SPON1: variants seen among roughly 807,000 people sequenced by gnomAD.
SPON1 encodes spondin-1.
In SPON1, 52 loss-of-function variants were observed where a neutral mutation model predicts 111.7. The ratio of observed to expected loss-of-function variants is 0.47; its 90% CI spans 0.37 to 0.59. The LOEUF is 0.59. Ranked by LOEUF, SPON1 falls within the 20% of genes least tolerant of loss-of-function variation. SPON1 has a pLI of 0.00. For synonymous variants in SPON1, 410 were observed against 395.8 expected, an observed-to-expected ratio of 1.04 and a Z score of -0.43; for missense variants, 957 against 1,068.5, an observed-to-expected ratio of 0.90 and a Z score of 1.46.
intron 2 of SPON1, among the ~76,000 whole-genome samples, chr11:14,036,952 G>A (rs917117666): frequency 2.0e-5 from 3 of 152,106 alleles, no homozygotes; most frequent in Non-Finnish European, 2.9e-5. Context: ...GTGCAATGTG[G>A]CCTGAAAATA....
chr11:14,231,455 C>T (rs1848801920), intron 6 of SPON1, among the ~76,000 whole-genome samples: 1 of 152,070 alleles, frequency 6.6e-6, no homozygotes, highest in Admixed American at 6.5e-5. Context: ...TTTTTAATGG[C>T]AATATATTCA....
At chr11:14,140,074 T>C (rs1038478425) in intron 6 of SPON1, among the ~76,000 whole-genome samples, 1 of 152,140 alleles carries the variant, frequency 6.6e-6, no homozygotes, top group Non-Finnish European at 1.5e-5. Flanking sequence ...TACATGACTA[T>C]TTCCATAGAA....
At chr11:14,161,979 C>A (rs1048500476) in intron 6 of SPON1, among the ~76,000 whole-genome samples, 1 of 151,660 alleles carries the variant, frequency 6.6e-6, no homozygotes, top group Non-Finnish European at 1.5e-5. Flanking sequence ...CATGGCAAAA[C>A]CCCATCTCTA....
At chr11:14,170,550 G>T (rs1848085795) in intron 6 of SPON1, among the ~76,000 whole-genome samples, 1 of 152,096 alleles carries the variant, frequency 6.6e-6, no homozygotes, top group Non-Finnish European at 1.5e-5. Context: ...GGAGTGGTGA[G>T]ATAGGGCATC....
intron 2 of SPON1, among the ~76,000 whole-genome samples, chr11:13,993,262 C>T (rs117545130): frequency 2.0e-5 from 3 of 151,816 alleles, no homozygotes; most frequent in South Asian, 2.1e-4. Flanking sequence ...CAAAGAAGGC[C>T]GAGGAGAAGG....
In SPON1 at chr11:14,080,012, G is replaced by A. The variant is rs782568245; in HGVS notation, c.667G>A (p.Asp223Asn). 4 of 1,613,914 alleles carry A rather than the reference G, an allele frequency of 2.5e-6. No homozygotes were observed. The highest frequency in any genetic ancestry group is 3.4e-6 in the Non-Finnish European group (4 of 1,179,870). ...TTGGTCCGAGAAGACACACCCAAAGGATTACCCTCGTGAGTAGAGTGGCTA... is the reference window on the plus strand; with the variant it reads ...TTGGTCCGAGAAGACACACCCAAAGAATTACCCTCGTGAGTAGAGTGGCTA... Reference protein sequence around the residue: ...GNWSEKTHPKDYPRRANHWSA... With the variant: ...GNWSEKTHPKNYPRRANHWSA... The change falls in exon 5 of 16, where the codon GAT becomes AAT. Residue 223 changes from aspartate (D) to asparagine (N), a missense_variant. By Grantham distance (23) the Asp-to-Asn change is conservative (BLOSUM62 1). This residue lies in a region of SPON1 where 122 missense variants were observed against 143.2 expected (regional missense o/e 0.85). Coordinates refer to ENST00000576479, the MANE Select transcript of SPON1 (RefSeq NM_006108.4).
intron 3 of SPON1, among the ~76,000 whole-genome samples, chr11:14,055,017 TG>T (rs1848734610): frequency 6.6e-6 from 1 of 152,212 alleles, no homozygotes; most frequent in African/African-American, 2.4e-5. Context: ...CCAGCTGTGA[TG>T]CTAGCTAAAC....
intron 6 of SPON1, among the ~76,000 whole-genome samples, chr11:14,216,065 A>G (rs1300644128): frequency 1.3e-5 from 2 of 152,228 alleles, no homozygotes; most frequent in Middle Eastern, 3.2e-3. Context: ...ATTGTTCATC[A>G]AGGTGGTTAA....
chr11:14,257,409 A>C (rs1849121160), intron 10 of SPON1, among the ~76,000 whole-genome samples: 1 of 152,230 alleles, frequency 6.6e-6, no homozygotes, highest in African/African-American at 2.4e-5. Flanking sequence ...AATTACCTAC[A>C]ATGAGCCTGC....
intron 2 of SPON1, among the ~76,000 whole-genome samples, chr11:14,029,974 C>T (rs1274427516): frequency 1.3e-5 from 2 of 152,200 alleles, no homozygotes; most frequent in African/African-American, 2.4e-5. Context: ...AAATAGGCTG[C>T]TGGACTCTCC....
chr11:14,142,985 A>C (rs1238076194), intron 6 of SPON1, among the ~76,000 whole-genome samples: 2 of 152,012 alleles, frequency 1.3e-5, no homozygotes, highest in East Asian at 1.9e-4. Context: ...TCTCTCCCCG[A>C]CTATTTCTCA....
chr11:14,159,195 T>C (rs1591392634), intron 6 of SPON1, among the ~76,000 whole-genome samples: 1 of 152,228 alleles, frequency 6.6e-6, no homozygotes, highest in South Asian at 2.1e-4. Context: ...TTGATGCCAC[T>C]TTTTTCTGTT....
At chr11:14,257,674 C>T (rs116877548) in intron 10 of SPON1, 42 bp from the exon 11 acceptor site, 20,035 of 1,545,218 alleles carry the variant, frequency 0.013, 175 homozygotes, top group Non-Finnish European at 0.016. Flanking sequence ...AGTGGCAGCT[C>T]CCATAGGTTC....
intron 15 of SPON1, 54 bp from the exon 16 acceptor site, chr11:14,265,470 A>T: frequency 6.4e-7 from 1 of 1,558,880 alleles, no homozygotes; most frequent in South Asian, 1.2e-5. Context: ...AGAGTTCAGC[A>T]TCCCTGTTCC....
chr11:14,260,108 C>G (rs1313911948), intron 13 of SPON1, among the ~76,000 whole-genome samples: 2 of 152,208 alleles, frequency 1.3e-5, no homozygotes, highest in Non-Finnish European at 2.9e-5. Flanking sequence ...TAAAGCATGA[C>G]CTCCCCTGCT....
chr11:14,233,758 C>CTTTTTTT lies in SPON1; in HGVS notation c.826-9559_826-9553dup, dbSNP rs10610600. ...GGAGTGTCCAACACTGTTTCTTTTT[C>CTTTTTTT]TTTTTTTTTTTTTTTTTTTTTGAGA... On this transcript the variant is annotated intron_variant, in intron 6 of 15. Transcript: ENST00000576479. 4.4e-3 allele frequency among the ~76,000 whole-genome samples: 430 copies of CTTTTTTT among 96,716 alleles called. 1 individual carries two copies. Among genetic ancestry groups the CTTTTTTT allele is most frequent in the Middle Eastern group, 6.7e-3 (1 of 150 alleles). The allele number at this position is 96,716 out of a possible 152,430, so 63.4% of individuals were successfully genotyped here.
chr11:14,169,850 T>C (rs528121169), intron 6 of SPON1, among the ~76,000 whole-genome samples: 1,829 of 152,232 alleles, frequency 0.012, 20 homozygotes, highest in Admixed American at 0.018. Flanking sequence ...GTTCCATTGG[T>C]CTATATCTCT....
intron 5 of SPON1, among the ~76,000 whole-genome samples, chr11:14,125,947 C>T (rs1847454844): frequency 1.3e-5 from 2 of 152,100 alleles, no homozygotes; most frequent in African/African-American, 4.8e-5. Flanking sequence ...GTCCTAAGGC[C>T]AGTAGGCTGA....
Position 14,172,359 on chromosome 11 carries a change from A to G in SPON1, c.825+36791A>G, listed in dbSNP as rs1591398791. Among the ~76,000 whole-genome samples the G allele has an allele frequency of 2.0e-5, 3 of 151,820 alleles. No individual in the cohort carries two copies. The South Asian group carries it at 6.2e-4, about 32-fold the overall frequency. Reference sequence around the variant, plus strand: ...CCATTTGCTTGGTAGATCTTCCTCCATCCCTTTATTTTGAGCCTATGTGTG... The same window carrying G: ...CCATTTGCTTGGTAGATCTTCCTCCGTCCCTTTATTTTGAGCCTATGTGTG... On this transcript the variant is annotated intron_variant, in intron 6 of 15. Transcript: ENST00000576479.
Sources: gnomAD v4.1 joint callset for allele counts (sites outside exome capture counted in the v4.1 genomes callset) on GRCh38, gnomAD v4.1.1 for gene constraint, gnomAD v4.1.1 regional missense constraint, MANE v1.5 for transcripts, NCBI Gene and HGNC (gene_info 2026-07-23, HGNC 2026-07-21) for gene names.